Variants in PLAGL1 observed in about 807,000 individuals in gnomAD.
The protein encoded by PLAGL1 is PLAG1 like zinc finger 1.
A neutral mutation model predicts 4.6 loss-of-function variants in PLAGL1; 1 was observed. That is an observed-to-expected ratio of 0.22 (90% CI 0.08 to 1.03). The LOEUF is 1.03. PLAGL1 is among the 50% of genes least tolerant of loss of function. PLAGL1 has a pLI of 0.58. For missense variants in PLAGL1, 464 were observed against 570.4 expected (o/e 0.81, Z 1.90); for synonymous variants, 240 against 237.8 (o/e 1.01, Z -0.08).
chr6:143,995,374 G>A lies in PLAGL1; in HGVS notation c.-583-10200C>T, dbSNP rs1402117515. Among the ~76,000 whole-genome samples, 1 of 151,926 alleles carries A rather than the reference G, an allele frequency of 6.6e-6. No individual in the cohort carries two copies. Among genetic ancestry groups the A allele is most frequent in the South Asian group, 2.1e-4 (1 of 4,824 alleles). On this transcript the variant is annotated intron_variant, in intron 1 of 7. Transcript: ENST00000674357. This position sits in a 1 kb window ranked among gnomAD's most constrained non-coding sequence, Gnocchi z 4.4. ...TTGGCTTTTGTTGTTTTGTTGTTAT[G>A]GTTTTTTGGGGGTTTTTTTGCTTTG...
intron 1 of PLAGL1, among the ~76,000 whole-genome samples, chr6:144,043,498 A>G (rs191909390): frequency 2.0e-5 from 3 of 152,118 alleles, no homozygotes; most frequent in Non-Finnish European, 4.4e-5. Flanking sequence ...CATATTTTGA[A>G]TCAGCCTTGC....
intron 1 of PLAGL1, among the ~76,000 whole-genome samples, chr6:144,054,566 G>A (rs530492704): frequency 1.8e-4 from 27 of 152,280 alleles, no homozygotes; most frequent in African/African-American, 6.3e-4. Flanking sequence ...CATGGACAGA[G>A]AGAGGGCAAC....
chr6:144,062,020 A>G (rs941365171), intron 1 of PLAGL1, among the ~76,000 whole-genome samples: 5 of 152,186 alleles, frequency 3.3e-5, no homozygotes, highest in African/African-American at 1.2e-4. Flanking sequence ...TTATTAGGTT[A>G]ACTTTAGACA....
chr6:144,003,415 G>C lies in PLAGL1; in HGVS notation c.-584+4675C>G, dbSNP rs1793379825. Among the ~76,000 whole-genome samples the C allele has an allele frequency of 2.0e-5, 3 of 152,098 alleles. No individual in the cohort carries two copies. The South Asian group carries it at 6.2e-4, about 32-fold the overall frequency. ...CAAGGCGGGTGGATCACGAGGTCAG[G>C]AGATCAAGACCATCCTGGCCAACGC... On this transcript the variant is annotated intron_variant, in intron 1 of 7. Transcript: ENST00000674357.
chr6:144,059,038 T>C lies in PLAGL1; in HGVS notation c.-151+5430A>G, dbSNP rs952206599. Among the ~76,000 whole-genome samples, 1 of 152,200 alleles carries C rather than the reference T, an allele frequency of 6.6e-6. No individual in the cohort carries two copies. The highest frequency in any genetic ancestry group is 1.5e-5 in the Non-Finnish European group (1 of 68,028). ...CCAGCCCCACATTTTCCCTCTACATTGCCCTACTAGAGTTTCTCTTCAGGG... is the reference window on the plus strand; with the variant it reads ...CCAGCCCCACATTTTCCCTCTACATCGCCCTACTAGAGTTTCTCTTCAGGG... On this transcript the variant is annotated intron_variant, in intron 1 of 3. Transcript: ENST00000437412. The surrounding 1 kb of genome is among the most constrained non-coding windows in gnomAD (Gnocchi z 4.9).
intron 1 of PLAGL1, among the ~76,000 whole-genome samples, chr6:144,042,968 C>T (rs1797852350): frequency 6.6e-6 from 1 of 152,086 alleles, no homozygotes; most frequent in Non-Finnish European, 1.5e-5. Context: ...TGATTTGGCT[C>T]TCTGTTTGTC....
intron 1 of PLAGL1, among the ~76,000 whole-genome samples, chr6:144,021,580 C>T (rs1346887326): frequency 6.6e-6 from 1 of 152,166 alleles, no homozygotes; most frequent in Non-Finnish European, 1.5e-5. Context: ...TCCTCACCTA[C>T]CTACAAATGT....
At chr6:144,058,753 T>A (rs1468750066) in intron 1 of PLAGL1, among the ~76,000 whole-genome samples, 1 of 152,186 alleles carries the variant, frequency 6.6e-6, no homozygotes, top group African/African-American at 2.4e-5. Context: ...TCGGAAATTA[T>A]CTTTTTTGAC....
chr6:144,051,265 G>A (rs1798564311), intron 1 of PLAGL1, among the ~76,000 whole-genome samples: 1 of 152,146 alleles, frequency 6.6e-6, no homozygotes, highest in Admixed American at 6.6e-5. Flanking sequence ...AGGACACAGG[G>A]AAACCAATAA....
At chr6:143,988,302 G>T (rs968428070) in intron 1 of PLAGL1, among the ~76,000 whole-genome samples, 3 of 152,174 alleles carry the variant, frequency 2.0e-5, no homozygotes, top group Non-Finnish European at 4.4e-5. Flanking sequence ...TTTTTAAGTT[G>T]TTAAATTCTT....
Position 144,059,667 on chromosome 6 carries a change from A to G in PLAGL1, c.-151+4801T>C, listed in dbSNP as rs1267623123. ...ACTATTCAGCAAATAGCTACCACCCATCATAGCCACTCACTAAATCTATCA... is the reference window on the plus strand; with the variant it reads ...ACTATTCAGCAAATAGCTACCACCCGTCATAGCCACTCACTAAATCTATCA... On this transcript the variant is annotated intron_variant, in intron 1 of 3. Coordinates refer to the PLAGL1 transcript ENST00000437412. This position sits in a 1 kb window ranked among gnomAD's most constrained non-coding sequence, Gnocchi z 4.9. 1.3e-5 allele frequency among the ~76,000 whole-genome samples: 2 copies of G among 152,188 alleles called. No individual in the cohort carries two copies. Among genetic ancestry groups the G allele is most frequent in the African/African-American group, 2.4e-5 (1 of 41,440 alleles).
Position 143,959,482 on chromosome 6 carries a change from T to G in PLAGL1, c.-325+987A>C, listed in dbSNP as rs1045744488. ...GAACTGCTAGGTCCTAGTAGATATG[T>G]TGGCCCTGTTGGGATTAATTTCAAT... is the stretch of plus-strand genomic sequence containing the variant. On this transcript the variant is annotated intron_variant, in intron 6 of 7. Transcript: ENST00000674357. The surrounding 1 kb of genome is among the most constrained non-coding windows in gnomAD (Gnocchi z 5.3). Among the ~76,000 whole-genome samples, 1 of 152,238 alleles carries G rather than the reference T, an allele frequency of 6.6e-6. No individual in the cohort carries two copies. Among genetic ancestry groups the G allele is most frequent in the African/African-American group, 2.4e-5 (1 of 41,556 alleles).
rs1352515005 is a variant in PLAGL1 at position 144,027,432 on chromosome 6, G to A, written c.-151+37036C>T. Among the ~76,000 whole-genome samples the A allele has an allele frequency of 6.6e-6, 1 of 152,086 alleles. No individual in the cohort carries two copies. Among genetic ancestry groups the A allele is most frequent in the Non-Finnish European group, 1.5e-5 (1 of 68,018 alleles). On this transcript the variant is annotated intron_variant, in intron 1 of 3. Transcript: ENST00000437412. The surrounding 1 kb of genome is among the most constrained non-coding windows in gnomAD (Gnocchi z 5.8). ...ACAGCTAGGGAAGAAGAGAAAACAG[G>A]ACAAACTAGTAGGAAGAAATAGAGA... is the stretch of plus-strand genomic sequence containing the variant.
In PLAGL1 at chr6:144,000,126, T is replaced by C. The variant is rs1238008942; in HGVS notation, c.-584+7964A>G. ...TCATGATATAAAACTCTTAGAGAACTAGAAGAAGAGAACTTTAAATATCCC... is the reference window on the plus strand; with the variant it reads ...TCATGATATAAAACTCTTAGAGAACCAGAAGAAGAGAACTTTAAATATCCC... On this transcript the variant is annotated intron_variant, in intron 1 of 7. Transcript: ENST00000674357. The surrounding 1 kb of genome is among the most constrained non-coding windows in gnomAD (Gnocchi z 4.1). Among the ~76,000 whole-genome samples the C allele has an allele frequency of 1.3e-5, 2 of 152,150 alleles. No individual in the cohort carries two copies. The highest frequency in any genetic ancestry group is 4.8e-5 in the African/African-American group (2 of 41,450).
In PLAGL1 at chr6:143,961,169, G is replaced by A. The variant is rs1046043364; in HGVS notation, c.-398-627C>T. 2.0e-5 allele frequency: 3 copies of A among 152,200 alleles called. No individual in the cohort carries two copies. The highest frequency in any genetic ancestry group is 2.1e-4 in the South Asian group (1 of 4,834). 9.4% of individuals were successfully genotyped at this position (152,200 alleles called of 1,614,324 possible). On this transcript the variant is annotated intron_variant, in intron 5 of 7. Coordinates refer to ENST00000674357, the MANE Select transcript of PLAGL1 (RefSeq NM_001317162.2). This position sits in a 1 kb window ranked among gnomAD's most constrained non-coding sequence, Gnocchi z 6.5. ...CATCACTGGGACCCCAGGAATTTAC[G>A]TTTTTACCAAATCTACAGAAGCCAA... is the stretch of plus-strand genomic sequence containing the variant.
intron 1 of PLAGL1, among the ~76,000 whole-genome samples, chr6:144,020,434 C>T (rs933083923): frequency 3.3e-5 from 5 of 151,142 alleles, no homozygotes; most frequent in Admixed American, 6.6e-5. Context: ...ATTACAGGTG[C>T]GGGTCACCAC....
In PLAGL1 at chr6:143,971,025, C is replaced by T. The variant is rs1785319131; in HGVS notation, c.-543-2047G>A. Among the ~76,000 whole-genome samples the T allele has an allele frequency of 6.6e-6, 1 of 152,082 alleles. No individual in the cohort carries two copies. Among genetic ancestry groups the T allele is most frequent in the African/African-American group, 2.4e-5 (1 of 41,398 alleles). The stretch of plus-strand genomic sequence containing the variant: ...CTCTCCCTACTTTGGTATTATGTCA[C>T]ACAAAATTACTTCCAGAAACTGGGA... On this transcript the variant is annotated intron_variant, in intron 2 of 7. Transcript: ENST00000674357. The surrounding 1 kb of genome is among the most constrained non-coding windows in gnomAD (Gnocchi z 4.7).
At position 143,997,605 on chromosome 6, in the gene PLAGL1, G is replaced by C. The variant is rs1791929362; in HGVS notation, c.-584+10485C>G. Among the ~76,000 whole-genome samples, 1 of 152,180 alleles carries C rather than the reference G, an allele frequency of 6.6e-6. No homozygotes were observed. The highest frequency in any genetic ancestry group is 1.5e-5 in the Non-Finnish European group (1 of 68,032). ...AGGTGGGAGGATCGCTTGAGCCTGG[G>C]AGGTTGAGGCTGCTGTGAACTGTCA... On this transcript the variant is annotated intron_variant, in intron 1 of 7. Coordinates refer to ENST00000674357, the MANE Select transcript of PLAGL1 (RefSeq NM_001317162.2). The surrounding 1 kb of genome is among the most constrained non-coding windows in gnomAD (Gnocchi z 4.6).
Position 143,997,498 on chromosome 6 carries a change from C to A in PLAGL1, c.-584+10592G>T, listed in dbSNP as rs1039079530. Among the ~76,000 whole-genome samples, 2 of 152,132 alleles carry A rather than the reference C, an allele frequency of 1.3e-5. No homozygotes were observed. The highest frequency in any genetic ancestry group is 4.8e-5 in the African/African-American group (2 of 41,426). Reference sequence around the variant, plus strand: ...AACACAGATGACTCTAAAAAATTTACGCTGAATAAAAGCCAGACACAAAAG... The same window carrying A: ...AACACAGATGACTCTAAAAAATTTAAGCTGAATAAAAGCCAGACACAAAAG... On this transcript the variant is annotated intron_variant, in intron 1 of 7. Transcript: ENST00000674357. The surrounding 1 kb of genome is among the most constrained non-coding windows in gnomAD (Gnocchi z 4.6).
Sources: gnomAD v4.1 joint callset for allele counts (sites outside exome capture counted in the v4.1 genomes callset) on GRCh38, gnomAD v4.1.1 for gene constraint, Gnocchi (gnomAD v3.1) non-coding constraint, MANE v1.5 for transcripts, NCBI Gene and HGNC (gene_info 2026-07-23, HGNC 2026-07-21) for gene names.